The following STK3 variants were observed in gnomAD, a reference collection of about 807,000 sequenced individuals.
STK3 encodes the protein serine/threonine-protein kinase 3.
STK3 carries 41 observed loss-of-function variants against 58.0 expected under a neutral mutation model. The observed-to-expected ratio is 0.71, with a 90% confidence interval of 0.55 to 0.92. The LOEUF (loss-of-function observed/expected upper bound fraction) is 0.92. STK3 is among the 40% of genes least tolerant of loss of function. STK3 has a pLI of 0.00. For synonymous variants in STK3, 170 were observed against 191.0 expected (o/e 0.89, Z 0.91); for missense variants, 479 against 602.7 (o/e 0.79, Z 2.15).
At chr8:98,615,395 A>G (rs565812610) in intron 6 of STK3, among the ~76,000 whole-genome samples, 2 of 151,566 alleles carry the variant, frequency 1.3e-5, no homozygotes, top group African/African-American at 4.8e-5. Context: ...ACTCTAAAAC[A>G]CAGAGCGCCT....
chr8:98,682,587 G>C (rs1018028743), intron 6 of STK3, among the ~76,000 whole-genome samples: 1 of 152,068 alleles, frequency 6.6e-6, no homozygotes, highest in Non-Finnish European at 1.5e-5. Context: ...TTCTATTCAT[G>C]TGAAAGTTAT....
chr8:98,406,436 T>C (rs751504898), intron 3 of STK3, among the ~76,000 whole-genome samples: 32 of 152,024 alleles, frequency 2.1e-4, no homozygotes, highest in Admixed American at 1.8e-3. Context: ...TTTTCAACCC[T>C]TCCCCTACTC....
At chr8:98,445,768 C>G (rs1209553010) in intron 1 of STK3, among the ~76,000 whole-genome samples, 1 of 152,190 alleles carries the variant, frequency 6.6e-6, no homozygotes, top group Non-Finnish European at 1.5e-5. Context: ...AACTCTCTAC[C>G]TACCTCTCTC....
intron 10 of STK3, among the ~76,000 whole-genome samples, chr8:98,515,282 C>T (rs977829274): frequency 1.3e-5 from 2 of 152,062 alleles, no homozygotes; most frequent in African/African-American, 4.8e-5. Context: ...ACCTAGAAGC[C>T]TCAGCTTGGC....
intron 6 of STK3, among the ~76,000 whole-genome samples, chr8:98,705,760 AC>A (rs1446208864): frequency 2.0e-5 from 3 of 152,190 alleles, no homozygotes; most frequent in Non-Finnish European, 2.9e-5. Context: ...AGATCAGTGT[AC>A]CTATTTATGA....
intron 6 of STK3, chr8:98,606,044 A>G (rs1324761641): frequency 6.6e-6 from 1 of 152,236 alleles, no homozygotes; most frequent in East Asian, 1.9e-4. Flanking sequence ...CTTGGCCAAC[A>G]TGGCAAAACC....
intron 1 of STK3, among the ~76,000 whole-genome samples, chr8:98,929,240 G>C (rs988641333): frequency 2.0e-5 from 3 of 152,066 alleles, no homozygotes; most frequent in African/African-American, 7.2e-5. Flanking sequence ...CTCCAGCCCA[G>C]GCAACAAGAG....
intron 3 of STK3, among the ~76,000 whole-genome samples, chr8:98,851,016 G>A (rs939555371): frequency 6.6e-6 from 1 of 152,100 alleles, no homozygotes; most frequent in African/African-American, 2.4e-5. Flanking sequence ...AAGCTCACCT[G>A]GCATCTCCTA....
intron 1 of STK3, among the ~76,000 whole-genome samples, chr8:98,889,229 G>A (rs1280486737): frequency 6.6e-6 from 1 of 152,190 alleles, no homozygotes; most frequent in Non-Finnish European, 1.5e-5. Flanking sequence ...GAGAGCCAGT[G>A]TTCAACAGGC....
At chr8:98,928,917 T>C (rs1839907479) in intron 1 of STK3, among the ~76,000 whole-genome samples, 1 of 152,196 alleles carries the variant, frequency 6.6e-6, no homozygotes. Context: ...CCAATCAATA[T>C]TCCCACACAT....
chr8:98,354,585 T>C, the STK3 span, among the ~76,000 whole-genome samples: 3 of 152,190 alleles, frequency 2.0e-5, no homozygotes, highest in Admixed American at 6.5e-5. Context: ...TCCACAGTTA[T>C]TTGGAGGTTT....
chr8:98,766,818 T>C (rs1383654504), intron 3 of STK3, among the ~76,000 whole-genome samples: 22 of 152,074 alleles, frequency 1.4e-4, no homozygotes, highest in Non-Finnish European at 5.9e-5. Flanking sequence ...TCACTTCCAA[T>C]GGGAAGTCAG....
intron 1 of STK3, among the ~76,000 whole-genome samples, chr8:98,886,544 A>G (rs1258443630): frequency 6.6e-6 from 1 of 152,252 alleles, no homozygotes; most frequent in Non-Finnish European, 1.5e-5. Context: ...GGGCATACCC[A>G]TGCTAAGCTG....
At chr8:98,831,142 G>C (rs1465372971) in intron 3 of STK3, among the ~76,000 whole-genome samples, 1 of 152,108 alleles carries the variant, frequency 6.6e-6, no homozygotes, top group Admixed American at 6.5e-5. Context: ...TTGAGATCCA[G>C]TGCCTTTGAA....
intron 4 of STK3, among the ~76,000 whole-genome samples, chr8:98,728,664 T>C (rs1422525473): frequency 2.0e-5 from 3 of 152,190 alleles, no homozygotes; most frequent in Non-Finnish European, 2.9e-5. Context: ...ACTCAATATA[T>C]ATGGAGTTGT....
intron 1 of STK3, among the ~76,000 whole-genome samples, chr8:98,779,515 A>G: frequency 6.6e-6 from 1 of 152,234 alleles, no homozygotes; most frequent in East Asian, 1.9e-4. Context: ...ACTTTGTTTC[A>G]TGCAGAAAAT....
chr8:98,652,658 CA>C (rs1267488273), intron 6 of STK3, among the ~76,000 whole-genome samples: 2 of 145,740 alleles, frequency 1.4e-5, no homozygotes, highest in African/African-American at 5.1e-5. Context: ...AAATGGAAAA[CA>C]AAAAAAGGCA....
At chr8:98,704,137 ATAAC>A (rs1825803582) in intron 6 of STK3, among the ~76,000 whole-genome samples, 1 of 152,220 alleles carries the variant, frequency 6.6e-6, no homozygotes, top group Non-Finnish European at 1.5e-5. Context: ...TACTTGAAGA[ATAAC>A]TAACAGAAAA....
At chr8:98,551,280 A>G (rs754474772) in intron 8 of STK3, among the ~76,000 whole-genome samples, 1 of 152,170 alleles carries the variant, frequency 6.6e-6, no homozygotes, top group Non-Finnish European at 1.5e-5. Flanking sequence ...TCTGTATTCA[A>G]TTTATGATCT....
Sources: gnomAD v4.1 joint callset for allele counts (sites outside exome capture counted in the v4.1 genomes callset) on GRCh38, gnomAD v4.1.1 for gene constraint, MANE v1.5 for transcripts, NCBI Gene and HGNC (gene_info 2026-07-23, HGNC 2026-07-21) for gene names.